Variants in MYH14 observed in about 807,000 individuals in gnomAD.
MYH14 encodes the protein myosin-14.
A neutral mutation model predicts 255.5 loss-of-function variants in MYH14; 123 were observed. The ratio of observed to expected loss-of-function variants is 0.48; its 90% CI spans 0.42 to 0.56. MYH14 has a LOEUF of 0.56. MYH14 is among the 20% of genes least tolerant of loss of function. The probability of loss-of-function intolerance (pLI) is 0.00; values close to 1 mark genes in which losing one functional copy is unlikely to be tolerated. For synonymous variants in MYH14, 1,095 were observed against 1,161.2 expected (o/e 0.94, Z 1.16); for missense variants, 2,423 against 2,802.3 (o/e 0.86, Z 3.06).
chr19:50,231,549 TAATAAC>T (rs1200212065), intron 9 of MYH14, among the ~76,000 whole-genome samples: 1 of 151,580 alleles, frequency 6.6e-6, no homozygotes, highest in Non-Finnish European at 1.5e-5. Context: ...TCTCTGTAAA[TAATAAC>T]AATAATAATA....
chr19:50,266,556 C>CGAAAGGAAGGAAGGAAGGGAGGAA lies in MYH14; in HGVS notation c.2695-320_2695-297dup, dbSNP rs1315802849. The stretch of plus-strand genomic sequence containing the variant: ...CCTGGGCGAGAGAGCAAGACTCTGT[C>CGAAAGGAAGGAAGGAAGGGAGGAA]GAAAGGAAGGAAGGAAGGGAGGAAA... On this transcript the variant is annotated intron_variant, in intron 22 of 42. Coordinates refer to ENST00000642316, the MANE Select transcript of MYH14 (RefSeq NM_001145809.2). The surrounding 1 kb of genome is among the most constrained non-coding windows in gnomAD (Gnocchi z 4.1). 2.0e-5 allele frequency among the ~76,000 whole-genome samples: 3 copies of CGAAAGGAAGGAAGGAAGGGAGGAA among 151,782 alleles called. No homozygotes were observed. Among genetic ancestry groups the CGAAAGGAAGGAAGGAAGGGAGGAA allele is most frequent in the African/African-American group, 7.3e-5 (3 of 41,262 alleles).
intron 3 of MYH14, among the ~76,000 whole-genome samples, chr19:50,222,261 A>C (rs2032863920): frequency 3.3e-5 from 5 of 152,008 alleles, no homozygotes; most frequent in African/African-American, 1.2e-4. Flanking sequence ...CCGGTGGATC[A>C]CGAGGTCAGG....
intron 5 of MYH14, 156 bp downstream of exon 5, chr19:50,223,505 G>A (rs367762607): frequency 1.5e-6 from 1 of 661,080 alleles, no homozygotes; most frequent in East Asian, 2.7e-5. Context: ...GGTGGGGCTG[G>A]AAGCAGAGTC....
At chr19:50,277,012 C>G (rs565575779) in intron 29 of MYH14, 111 bp downstream of exon 29, 1 of 756,594 alleles carries the variant, frequency 1.3e-6, no homozygotes, top group African/African-American at 1.7e-5. Context: ...CTCCCTGGGC[C>G]CCTTTCCTCA....
At position 50,309,973 on chromosome 19, in the gene MYH14, A is replaced by G; in HGVS notation, c.*183A>G. On this transcript the variant is annotated 3_prime_UTR_variant, in exon 43 of 43. Coordinates refer to ENST00000642316, the MANE Select transcript of MYH14 (RefSeq NM_001145809.2). Reference sequence around the variant, plus strand: ...AACCTCCCATCAAAGGATGACCCCTAAACACAGAGGAGCGGGGCAGGCAGG... The same window carrying G: ...AACCTCCCATCAAAGGATGACCCCTGAACACAGAGGAGCGGGGCAGGCAGG... 1.4e-6 allele frequency: 1 copy of G among 703,764 alleles called. No individual in the cohort carries two copies. Among genetic ancestry groups the G allele is most frequent in the Admixed American group, 2.6e-5 (1 of 38,084 alleles). The allele number at this position is 703,764 out of a possible 1,614,324, so 43.6% of individuals were successfully genotyped here.
At position 50,276,729 on chromosome 19, in the gene MYH14, C is replaced by T. The variant is rs2035520739; in HGVS notation, c.3681-28C>T. On this transcript the variant is annotated intron_variant, in intron 28 of 42. Coordinates refer to ENST00000642316, the MANE Select transcript of MYH14 (RefSeq NM_001145809.2). This position sits in a 1 kb window ranked among gnomAD's most constrained non-coding sequence, Gnocchi z 4.3. Reference sequence around the variant, plus strand: ...CCTGCCTTCCTCTGCTCTGAAATTCCCATCCTCTCTCCTTTCCCCCAATAA... The same window carrying T: ...CCTGCCTTCCTCTGCTCTGAAATTCTCATCCTCTCTCCTTTCCCCCAATAA... 2.5e-6 allele frequency: 4 copies of T among 1,612,876 alleles called. No individual in the cohort carries two copies. The highest frequency in any genetic ancestry group is 3.4e-6 in the Non-Finnish European group (4 of 1,179,814).
intron 24 of MYH14, among the ~76,000 whole-genome samples, chr19:50,268,656 G>A (rs2035183561): frequency 6.6e-6 from 1 of 152,194 alleles, no homozygotes; most frequent in South Asian, 2.1e-4. Flanking sequence ...CTGGATGCAG[G>A]AATCCAAGTG....
At position 50,272,636 on chromosome 19, in the gene MYH14, G is replaced by A. The variant is rs867324211; in HGVS notation, c.3372G>A (p.Glu1124=). Residue 1124 remains glutamate (E), a synonymous_variant, in exon 27 of 43, where the codon GAG becomes GAA. Coordinates refer to ENST00000642316, the MANE Select transcript of MYH14 (RefSeq NM_001145809.2). ...LKRRLDGESS[E]LQEQMVEQQQ... is the part of the protein sequence containing the mutation. ...GGAGGCTGGATGGGGAGAGCTCAGA[G>A]CTGCAGGAGCAGATGGTGGAGCAGC... The A allele has an allele frequency of 6.4e-7, 1 of 1,571,454 alleles. No homozygotes were observed.
chr19:50,295,601 G>A (rs1219519182), intron 39 of MYH14, among the ~76,000 whole-genome samples: 3 of 152,106 alleles, frequency 2.0e-5, no homozygotes, highest in Non-Finnish European at 4.4e-5. Flanking sequence ...GACCAGCTTG[G>A]ATGACATGGC....
chr19:50,236,594 G>C (rs973037715), intron 10 of MYH14, among the ~76,000 whole-genome samples: 1 of 151,826 alleles, frequency 6.6e-6, no homozygotes, highest in African/African-American at 2.4e-5. Flanking sequence ...TGTAATCCCA[G>C]CTACTCGGGA....
Position 50,250,414 on chromosome 19 carries a change from T to C in MYH14, c.1657-101T>C. On this transcript the variant is annotated intron_variant, in intron 14 of 42. Transcript: ENST00000642316. The surrounding 1 kb of genome is among the most constrained non-coding windows in gnomAD (Gnocchi z 5.4). Reference sequence around the variant, plus strand: ...CCGTGCCTGGCATCTCACGTTTGTTTTTATGTCCAAGTGTGACTTATAAGA... The same window carrying C: ...CCGTGCCTGGCATCTCACGTTTGTTCTTATGTCCAAGTGTGACTTATAAGA... 1 of 1,298,446 alleles carries C rather than the reference T, an allele frequency of 7.7e-7. No individual in the cohort carries two copies. Among genetic ancestry groups the C allele is most frequent in the Non-Finnish European group, 1.1e-6 (1 of 923,610 alleles). The allele number at this position is 1,298,446 out of a possible 1,614,324, so 80.4% of individuals were successfully genotyped here.
rs2034874397 is a variant in MYH14, at chr19:50,261,519, G to C, written c.2469G>C (p.Gln823His). The C allele has an allele frequency of 1.3e-6, 2 of 1,580,162 alleles. No individual in the cohort carries two copies. The highest frequency in any genetic ancestry group is 1.1e-5 in the South Asian group (1 of 88,118). ...ACCCCAACCTCTACCGCGTGGGACA[G>C]AGCAAGATCTTCTTCCGGGCTGGGG... ...ELDPNLYRVG[Q>H]SKIFFRAGVL... Residue 823 changes from glutamine to histidine, a missense_variant, in exon 21 of 43, where the codon CAG (glutamine) becomes CAC (histidine). Around this residue, in one of 3 missense-constraint regions of MYH14, gnomAD observed 1,513 missense variants for 1,674.8 expected, o/e 0.90. Coordinates refer to ENST00000642316, the MANE Select transcript of MYH14 (RefSeq NM_001145809.2).
Position 50,261,627 on chromosome 19 carries a change from G to C in MYH14, c.2577G>C (p.Leu859=). 6.3e-7 allele frequency: 1 copy of C among 1,596,338 alleles called. No individual in the cohort carries two copies. The highest frequency in any genetic ancestry group is 8.5e-7 in the Non-Finnish European group (1 of 1,172,676). Residue 859 remains leucine (L), a synonymous_variant, in exon 21 of 43, where the codon CTG becomes CTC. Transcript: ENST00000642316. ...VSFQAAARGY[L]ARRAFQKRQQ... Reference sequence around the variant, plus strand: ...TCCAGGCAGCTGCCCGGGGATACCTGGCTCGCAGGTGGGCAGCCACGCTGT... The same window carrying C: ...TCCAGGCAGCTGCCCGGGGATACCTCGCTCGCAGGTGGGCAGCCACGCTGT...
At chr19:50,205,112 G>A (rs2031660855) in intron 1 of MYH14, among the ~76,000 whole-genome samples, 1 of 152,156 alleles carries the variant, frequency 6.6e-6, no homozygotes, top group Non-Finnish European at 1.5e-5. Context: ...CTGAGGCTCA[G>A]GGAGATTAAT....
intron 2 of MYH14, among the ~76,000 whole-genome samples, chr19:50,213,247 C>T (rs1860051412): frequency 6.6e-6 from 1 of 152,170 alleles, no homozygotes; most frequent in Non-Finnish European, 1.5e-5. Context: ...CTGCATCCGG[C>T]CACTCTTTGC....
Position 50,280,138 on chromosome 19 carries a change from C to G in MYH14, c.4134C>G (p.Ala1378=). The G allele has an allele frequency of 6.3e-7, 1 of 1,599,238 alleles. No homozygotes were observed. Among genetic ancestry groups the G allele is most frequent in the African/African-American group, 1.3e-5 (1 of 74,768 alleles). The change falls in exon 31 of 43, where the codon GCC becomes GCG. Residue 1378 remains alanine (A), a synonymous_variant. Coordinates refer to ENST00000642316, the MANE Select transcript of MYH14 (RefSeq NM_001145809.2). The surrounding 1 kb of genome is among the most constrained non-coding windows in gnomAD (Gnocchi z 4.8). ...LSSTEAQLHD[A]QELLQEETRA... is the part of the protein sequence containing the mutation. Reference sequence around the variant, plus strand: ...GCACAGAAGCCCAGCTGCACGATGCCCAGGTGACCCTGCCTGCCCTTCGGC... The same window carrying G: ...GCACAGAAGCCCAGCTGCACGATGCGCAGGTGACCCTGCCTGCCCTTCGGC...
At chr19:50,279,279 C>T (rs959370516) in intron 30 of MYH14, among the ~76,000 whole-genome samples, 3 of 152,088 alleles carry the variant, frequency 2.0e-5, no homozygotes, top group African/African-American at 4.8e-5. Flanking sequence ...CTTAACATAA[C>T]GGTTTCAAGA....
chr19:50,296,063 C>G (rs868201820), intron 39 of MYH14, among the ~76,000 whole-genome samples: 2 of 150,458 alleles, frequency 1.3e-5, no homozygotes, highest in African/African-American at 4.9e-5. Context: ...GATCTGAGAT[C>G]GTGCCACTAC....
chr19:50,259,029 G>A lies in MYH14; in HGVS notation c.2233-115G>A, dbSNP rs183154527. On this transcript the variant is annotated intron_variant, in intron 18 of 42. Coordinates refer to ENST00000642316, the MANE Select transcript of MYH14 (RefSeq NM_001145809.2). ...TCCCAGGGCCTAGAACCGTTCCTAG[G>A]CACCTAGTAGGTGCTCAGTAAATTA... 8.7e-6 allele frequency: 12 copies of A among 1,379,190 alleles called. No individual in the cohort carries two copies. The South Asian group carries it at 1.6e-4, about 18-fold the overall frequency. 85.4% of individuals were successfully genotyped at this position (1,379,190 alleles called of 1,614,324 possible). A position where few individuals can be genotyped will look rare whatever the true frequency, so the allele number is the denominator to read the frequency against.
Sources: allele counts gnomAD v4.1 joint callset (sites outside exome capture counted in the v4.1 genomes callset), GRCh38; gene constraint gnomAD v4.1.1; regional missense constraint gnomAD v4.1.1; non-coding constraint Gnocchi (gnomAD v3.1); transcripts MANE v1.5; gene names NCBI Gene and HGNC (gene_info 2026-07-23, HGNC 2026-07-21).